CDC42BPB: variants seen among roughly 807,000 people sequenced by gnomAD.
CDC42BPB encodes serine/threonine-protein kinase MRCK beta.
A neutral mutation model predicts 214.9 loss-of-function variants in CDC42BPB; 37 were observed. The observed-to-expected ratio is 0.17, with a 90% CI of 0.13 to 0.23. The LOEUF is 0.23. Ranked by LOEUF, CDC42BPB falls within the 10% of genes least tolerant of loss-of-function variation. The pLI is 1.00. For synonymous variants in CDC42BPB, 931 were observed against 884.0 expected (o/e 1.05, Z -0.94); for missense variants, 1,694 against 2,227.0 (o/e 0.76, Z 4.82).
Position 102,944,393 on chromosome 14 carries a change from A to G in CDC42BPB, c.3906T>C (p.His1302=), listed in dbSNP as rs1892050459. 6.2e-7 allele frequency: 1 copy of G among 1,613,130 alleles called. No homozygotes were observed. The highest frequency in any genetic ancestry group is 8.5e-7 in the Non-Finnish European group (1 of 1,179,998). Residue 1302 remains histidine, a synonymous_variant, in exon 30 of 37, where the codon CAT becomes CAC. Transcript: ENST00000361246. The surrounding 1 kb of genome is among the most constrained non-coding windows in gnomAD (Gnocchi z 6.6). Reference sequence around the variant, plus strand: ...GGGACGACCACGGATAGAGGTGCACATGGTGGTTCCGGCCACAGAGGAGGA... The same window carrying G: ...GGGACGACCACGGATAGAGGTGCACGTGGTGGTTCCGGCCACAGAGGAGGA... ...IVILLCGRNH[H]VHLYPWSSLD...
In CDC42BPB at chr14:102,933,696, T is replaced by G; in HGVS notation, c.*16A>C. The G allele has an allele frequency of 6.9e-7, 1 of 1,445,572 alleles. No individual in the cohort carries two copies. Among genetic ancestry groups the G allele is most frequent in the Non-Finnish European group, 9.0e-7 (1 of 1,112,622 alleles). The allele number at this position is 1,445,572 out of a possible 1,614,324, so 89.5% of individuals were successfully genotyped here. A position where few individuals can be genotyped will look rare whatever the true frequency, so the allele number is the denominator to read the frequency against. On this transcript the variant is annotated 3_prime_UTR_variant, in exon 37 of 37. Transcript: ENST00000361246. ...GCCATCTCCAGCTCCCTGGCCCCTG[T>G]GGCGAGCTGGCGGCTTCAGGTGTCA...
chr14:102,946,181 A>G (rs1438234586), intron 28 of CDC42BPB, among the ~76,000 whole-genome samples: 1 of 150,574 alleles, frequency 6.6e-6, no homozygotes, highest in Non-Finnish European at 1.5e-5. Context: ...GCTATATTTT[A>G]TTTTTATTTT....
intron 1 of CDC42BPB, among the ~76,000 whole-genome samples, chr14:103,036,228 C>T (rs868814914): frequency 2.0e-5 from 3 of 150,808 alleles, no homozygotes; most frequent in Admixed American, 1.3e-4. Flanking sequence ...TCTCAGCTCA[C>T]TGCAAGCTCC....
intron 34 of CDC42BPB, 132 bp downstream of exon 34, chr14:102,939,478 A>G: frequency 1.5e-6 from 1 of 679,008 alleles, no homozygotes; most frequent in Middle Eastern, 3.3e-4. Flanking sequence ...CTTGTGTGAC[A>G]GGAGCGCCAG....
At chr14:103,011,921 G>A (rs1439436810) in intron 2 of CDC42BPB, among the ~76,000 whole-genome samples, 176 bp downstream of exon 2, 2 of 152,132 alleles carry the variant, frequency 1.3e-5, no homozygotes, top group East Asian at 3.8e-4. Flanking sequence ...TTCAAAGCCA[G>A]CCTGGGCAAC....
At chr14:103,038,720 G>C (rs8008394) in intron 1 of CDC42BPB, among the ~76,000 whole-genome samples, 1,683 of 113,764 alleles carry the variant, frequency 0.015, 34 homozygotes, top group Admixed American at 0.021. Context: ...AGAGACGGGG[G>C]GGGGGGGCGG....
At chr14:102,987,359 A>C (rs1361456066) in intron 5 of CDC42BPB, among the ~76,000 whole-genome samples, 2 of 152,274 alleles carry the variant, frequency 1.3e-5, no homozygotes, top group Non-Finnish European at 2.9e-5. Flanking sequence ...TTTTTCTGGC[A>C]CAATAAGCTT....
At chr14:102,966,421 G>A (rs1595474662) in intron 17 of CDC42BPB, 34 bp from the exon 18 acceptor site, 1 of 1,608,490 alleles carries the variant, frequency 6.2e-7, no homozygotes, top group Non-Finnish European at 8.5e-7. Context: ...ATCTCACGAA[G>A]CATGGCTATC....
At chr14:102,979,666 C>T (rs532989291) in intron 8 of CDC42BPB, among the ~76,000 whole-genome samples, 40 of 152,284 alleles carry the variant, frequency 2.6e-4, no homozygotes, top group Non-Finnish European at 4.9e-4. Flanking sequence ...GATGATGCTT[C>T]GGTGTAAGAA....
intron 17 of CDC42BPB, 29 bp downstream of exon 17, chr14:102,967,017 C>A: frequency 1.2e-6 from 2 of 1,606,932 alleles, no homozygotes; most frequent in South Asian, 1.1e-5. Flanking sequence ...GGAGCGGATT[C>A]ACGGCCGCTA....
In CDC42BPB at chr14:102,972,025, T is replaced by G; in HGVS notation, c.1778A>C (p.Lys593Thr). 1.9e-6 allele frequency: 3 copies of G among 1,614,262 alleles called. No individual in the cohort carries two copies. Among genetic ancestry groups the G allele is most frequent in the Non-Finnish European group, 2.5e-6 (3 of 1,180,050 alleles). The part of the protein sequence containing the change: ...RMAELRAQKQ[K>T]VSRQLRDKEE... ...CTTGTCTCGCAGCTGCCGGGACACC[T>G]TCTGCTTCTGGGCACGGAGCTCTGC... The change falls in exon 13 of 37, where the codon AAG (lysine) becomes ACG (threonine). Residue 593 changes from lysine to threonine, a missense_variant. By Grantham distance (78) the Lys-to-Thr change is moderately conservative (BLOSUM62 -1). This residue lies in a region of CDC42BPB where 462 missense variants were observed against 513.5 expected (regional missense o/e 0.90). Transcript: ENST00000361246.
chr14:103,052,373 T>C (rs1385336736), intron 1 of CDC42BPB, among the ~76,000 whole-genome samples: 2 of 152,264 alleles, frequency 1.3e-5, no homozygotes, highest in Non-Finnish European at 2.9e-5. Flanking sequence ...GCAAATATTC[T>C]ATCCAGAGAA....
intron 8 of CDC42BPB, 116 bp from the exon 9 acceptor site, chr14:102,978,321 G>T: frequency 6.6e-7 from 1 of 1,522,946 alleles, no homozygotes; most frequent in Non-Finnish European, 8.8e-7. Flanking sequence ...TGTGGCCTTG[G>T]AGAATGCGGA....
chr14:102,978,605 G>A (rs1893861960), intron 8 of CDC42BPB, among the ~76,000 whole-genome samples: 1 of 152,230 alleles, frequency 6.6e-6, no homozygotes, highest in Non-Finnish European at 1.5e-5. Flanking sequence ...TCAGGTTCTT[G>A]ACCTAAGACA....
intron 1 of CDC42BPB, among the ~76,000 whole-genome samples, chr14:103,034,736 T>C (rs918907644): frequency 6.6e-6 from 1 of 150,420 alleles, no homozygotes; most frequent in African/African-American, 2.4e-5. Flanking sequence ...AAGAATCCCC[T>C]GAACCCGGGA....
At chr14:103,016,327 C>G (rs1460458242) in intron 1 of CDC42BPB, among the ~76,000 whole-genome samples, 1 of 152,256 alleles carries the variant, frequency 6.6e-6, no homozygotes, top group African/African-American at 2.4e-5. Context: ...GGGCAGGAAG[C>G]TGCAAGTCGT....
intron 20 of CDC42BPB, among the ~76,000 whole-genome samples, chr14:102,961,586 C>CA (rs916791352): frequency 6.6e-6 from 1 of 151,672 alleles, no homozygotes; most frequent in Non-Finnish European, 1.5e-5. Flanking sequence ...AGCTGGAGTG[C>CA]AATGGTGCAA....
At chr14:103,053,917 T>C in intron 1 of CDC42BPB, among the ~76,000 whole-genome samples, 1 of 152,114 alleles carries the variant, frequency 6.6e-6, no homozygotes, top group South Asian at 2.1e-4. Context: ...CATTGCTCAT[T>C]GCAGCCTTGA....
In CDC42BPB at chr14:103,001,304, C is replaced by T. The variant is rs1894968738; in HGVS notation, c.448-1591G>A. On this transcript the variant is annotated intron_variant, in intron 4 of 36. Transcript: ENST00000361246. This position sits in a 1 kb window ranked among gnomAD's most constrained non-coding sequence, Gnocchi z 5.8. ...AACAGGGGTGCTGGCATGCACGAGA[C>T]AGCGAGGTCCCTGGCTCAGCAGAGC... is the stretch of plus-strand genomic sequence containing the variant. 6.6e-6 allele frequency among the ~76,000 whole-genome samples: 1 copy of T among 152,202 alleles called. No homozygotes were observed. Among genetic ancestry groups the T allele is most frequent in the Admixed American group, 6.5e-5 (1 of 15,284 alleles).
Sources: gnomAD v4.1 joint callset for allele counts (sites outside exome capture counted in the v4.1 genomes callset) on GRCh38, gnomAD v4.1.1 for gene constraint, gnomAD v4.1.1 regional missense constraint, Gnocchi (gnomAD v3.1) non-coding constraint, MANE v1.5 for transcripts, NCBI Gene and HGNC (gene_info 2026-07-23, HGNC 2026-07-21) for gene names.